The following TMCO4 variants were observed in gnomAD, a reference collection of about 807,000 sequenced individuals.
TMCO4 encodes the protein transmembrane and coiled-coil domains 4.
In TMCO4, 58 loss-of-function variants were observed where a neutral mutation model predicts 64.7. That is an observed-to-expected ratio of 0.90 (90% CI 0.73 to 1.12). The LOEUF is 1.12. Among genes scored for constraint, TMCO4 ranks in the 50% most tolerant of loss-of-function variants. The pLI, the probability that TMCO4 is intolerant of heterozygous loss-of-function variation, is 0.00. For missense variants in TMCO4, 780 were observed against 825.9 expected, an observed-to-expected ratio of 0.94 and a Z score of 0.68; for synonymous variants, 325 against 346.1, an observed-to-expected ratio of 0.94 and a Z score of 0.68.
chr1:19,766,915 C>T (rs1368511865), intron 6 of TMCO4, among the ~76,000 whole-genome samples: 1 of 152,190 alleles, frequency 6.6e-6, no homozygotes, highest in East Asian at 1.9e-4. Context: ...GGTCTACCTA[C>T]CTCTGATCTC....
At chr1:19,715,753 A>T (rs1419468883) in intron 13 of TMCO4, among the ~76,000 whole-genome samples, 1 of 152,150 alleles carries the variant, frequency 6.6e-6, no homozygotes, top group African/African-American at 2.4e-5. Context: ...CTTTTCCTCT[A>T]TGAAAGTGTG....
At chr1:19,716,147 T>C (rs938130367) in intron 13 of TMCO4, among the ~76,000 whole-genome samples, 2 of 144,496 alleles carry the variant, frequency 1.4e-5, no homozygotes, top group African/African-American at 5.3e-5. Flanking sequence ...TGAGACCTCT[T>C]CTCTATTTTA....
At position 19,683,459 on chromosome 1, in the gene TMCO4, G is replaced by A; in HGVS notation, c.1501-15C>T. On this transcript the variant is annotated splice_polypyrimidine_tract_variant and intron_variant, in intron 15 of 15. Coordinates refer to ENST00000294543, the MANE Select transcript of TMCO4 (RefSeq NM_181719.7). ...TGGCCGCTGACCTGCAGGAGACAGT[G>A]AGTGAGCACCACCGTGGGTGTGCAG... 1 of 1,611,392 alleles carries A rather than the reference G, an allele frequency of 6.2e-7. No individual in the cohort carries two copies. The highest frequency in any genetic ancestry group is 1.3e-5 in the African/African-American group (1 of 75,014).
intron 13 of TMCO4, among the ~76,000 whole-genome samples, chr1:19,730,870 C>G (rs1277752304): frequency 6.6e-6 from 1 of 152,112 alleles, no homozygotes; most frequent in Admixed American, 6.5e-5. Context: ...TCAGGGGACT[C>G]CAGAAAACAA....
chr1:19,747,481 A>G (rs1400842713), intron 7 of TMCO4, among the ~76,000 whole-genome samples: 1 of 152,208 alleles, frequency 6.6e-6, no homozygotes, highest in Non-Finnish European at 1.5e-5. Flanking sequence ...TACTTACCCA[A>G]TGGATCCATC....
At chr1:19,707,842 C>T (rs1251712774) in intron 13 of TMCO4, among the ~76,000 whole-genome samples, 3 of 152,196 alleles carry the variant, frequency 2.0e-5, no homozygotes, top group Non-Finnish European at 2.9e-5. Context: ...ACAATCATGG[C>T]GGAAGGTGAA....
chr1:19,737,367 C>A lies in TMCO4; in HGVS notation c.1264+5G>T. 6.2e-7 allele frequency: 1 copy of A among 1,611,602 alleles called. No homozygotes were observed. Among genetic ancestry groups the A allele is most frequent in the Non-Finnish European group, 8.5e-7 (1 of 1,178,306 alleles). On this transcript the variant is annotated splice_donor_5th_base_variant and intron_variant, in intron 13 of 15. Transcript: ENST00000294543. ...TTTCCGTCTGTGACAATAATCCATG[C>A]TCACCTTTCTCTTGAGCCATCTCCT...
chr1:19,778,493 C>G (rs2043313633), intron 4 of TMCO4, among the ~76,000 whole-genome samples: 3 of 152,086 alleles, frequency 2.0e-5, no homozygotes, highest in Admixed American at 2.0e-4. Flanking sequence ...AGGCTGGTCT[C>G]AAACTCCTGA....
intron 6 of TMCO4, among the ~76,000 whole-genome samples, chr1:19,761,439 G>A (rs1395403348): frequency 1.3e-5 from 2 of 152,232 alleles, no homozygotes; most frequent in African/African-American, 2.4e-5. Context: ...CAGACTTTTG[G>A]ATCCTGCCGG....
At position 19,707,685 on chromosome 1, in the gene TMCO4, G is replaced by A. The variant is rs538106274; in HGVS notation, c.1265-6800C>T. ...ATGCCACATGCAGGTTTAGGTGCAC[G>A]CCTAGCCTTCTCGGTTGTATTAGTC... is the stretch of plus-strand genomic sequence containing the variant. On this transcript the variant is annotated intron_variant, in intron 13 of 15. Coordinates refer to ENST00000294543, the MANE Select transcript of TMCO4 (RefSeq NM_181719.7). Among the ~76,000 whole-genome samples the A allele has an allele frequency of 3.0e-4, 46 of 152,258 alleles. 1 individual carries two copies. The highest frequency in any genetic ancestry group is 2.6e-3 in the Admixed American group (40 of 15,292).
intron 4 of TMCO4, among the ~76,000 whole-genome samples, chr1:19,776,985 C>T (rs1389340440): frequency 1.4e-5 from 2 of 146,576 alleles, no homozygotes; most frequent in Admixed American, 6.9e-5. Flanking sequence ...CAAGATCACA[C>T]CACTGCACTC....
At chr1:19,712,809 C>A (rs965048432) in intron 13 of TMCO4, among the ~76,000 whole-genome samples, 2 of 152,116 alleles carry the variant, frequency 1.3e-5, no homozygotes, top group African/African-American at 4.8e-5. Context: ...TGTGACAAAC[C>A]ATCCCAGAAC....
intron 13 of TMCO4, among the ~76,000 whole-genome samples, chr1:19,713,709 T>C (rs953066931): frequency 6.6e-6 from 1 of 150,918 alleles, no homozygotes; most frequent in Non-Finnish European, 1.5e-5. Context: ...TAAAAATATA[T>C]CAACAACAAC....
chr1:19,767,369 A>G (rs1160623934), intron 6 of TMCO4, among the ~76,000 whole-genome samples: 1 of 152,204 alleles, frequency 6.6e-6, no homozygotes, highest in Admixed American at 6.5e-5. Flanking sequence ...GGAAATTTTA[A>G]GGGCGATGCT....
Position 19,755,766 on chromosome 1 carries a change from C to T in TMCO4, c.383G>A (p.Gly128Glu). ...GACTCTGGCCCGGGCGTCATAGTGC[C>T]CTCGAAAGACAGAAACAACACCGGA... ...QDLLSFSLKD[G>E]HYDARARVLV... The change falls in exon 7 of 16, where the codon GGG (glycine) becomes GAG (glutamate). Residue 128 changes from glycine to glutamate, a missense_variant and splice_region_variant. By Grantham distance (98) the Gly-to-Glu change is moderately conservative. Transcript: ENST00000294543. The T allele has an allele frequency of 6.2e-7, 1 of 1,613,862 alleles. No individual in the cohort carries two copies. The highest frequency in any genetic ancestry group is 8.5e-7 in the Non-Finnish European group (1 of 1,179,954).
chr1:19,686,277 C>G (rs2095148921), intron 15 of TMCO4, among the ~76,000 whole-genome samples: 1 of 152,060 alleles, frequency 6.6e-6, no homozygotes, highest in South Asian at 2.1e-4. Flanking sequence ...GTCGAGGGGG[C>G]CTGCTTTAGT....
At chr1:19,754,420 C>G (rs1257402970) in intron 7 of TMCO4, among the ~76,000 whole-genome samples, 1 of 152,168 alleles carries the variant, frequency 6.6e-6, no homozygotes, top group Admixed American at 6.5e-5. Context: ...GTTATTTCAA[C>G]AAACCAAGTT....
rs144671154 is a variant in TMCO4, at chr1:19,751,657, A to G, written c.515+3977T>C. The stretch of plus-strand genomic sequence containing the variant: ...AAGCATTTGTTGATTTGAAAAGAAG[A>G]TATTTTTTCCTAAAGTTACTTGGCT... On this transcript the variant is annotated intron_variant, in intron 7 of 15. Transcript: ENST00000294543. 1.1e-4 allele frequency among the ~76,000 whole-genome samples: 16 copies of G among 152,112 alleles called. No homozygotes were observed. The East Asian group carries it at 2.9e-3, about 28-fold the overall frequency.
At chr1:19,768,334 G>T (rs1005694209) in intron 6 of TMCO4, among the ~76,000 whole-genome samples, 29 of 152,158 alleles carry the variant, frequency 1.9e-4, no homozygotes, top group African/African-American at 7.0e-4. Flanking sequence ...CCAGCAGCCC[G>T]AGTCTCAGAC....
Sources: allele counts gnomAD v4.1 joint callset (sites outside exome capture counted in the v4.1 genomes callset), GRCh38; gene constraint gnomAD v4.1.1; transcripts MANE v1.5; gene names NCBI Gene and HGNC (gene_info 2026-07-23, HGNC 2026-07-21).